The following KLF13 variants were observed in gnomAD, a reference collection of about 807,000 sequenced individuals.
KLF13 encodes the protein KLF transcription factor 13.
In KLF13, 8 loss-of-function variants were observed where a neutral mutation model predicts 16.7. The observed-to-expected ratio is 0.48, with a 90% CI of 0.28 to 0.87. The LOEUF is 0.87. Among genes scored for constraint, KLF13 ranks in the 40% least tolerant of loss-of-function variants. KLF13 has a pLI of 0.10. For synonymous variants in KLF13, 245 were observed against 208.4 expected (o/e 1.18, Z -1.51); for missense variants, 447 against 452.2 (o/e 0.99, Z 0.10).
At chr15:31,396,070 T>A (rs1323910666) in intron 2 of KLF13, among the ~76,000 whole-genome samples, 1 of 152,198 alleles carries the variant, frequency 6.6e-6, no homozygotes, top group Non-Finnish European at 1.5e-5. Context: ...TTGTTTCCCA[T>A]GCTGGAGTGC....
intron 1 of KLF13, among the ~76,000 whole-genome samples, chr15:31,353,793 C>T (rs1056649489): frequency 3.3e-5 from 5 of 151,486 alleles, no homozygotes; most frequent in African/African-American, 1.2e-4. Context: ...AGGGGGCTCT[C>T]GGCAGGCAAC....
intron 1 of KLF13, among the ~76,000 whole-genome samples, chr15:31,386,459 A>G (rs2039797987): frequency 6.6e-6 from 1 of 152,218 alleles, no homozygotes; most frequent in South Asian, 2.1e-4. Context: ...AGATCGTGCC[A>G]TTGCACTCCA....
At chr15:31,380,817 A>G (rs1388363649), downstream of KLF13, among the ~76,000 whole-genome samples, 11 of 152,200 alleles carry the variant, frequency 7.2e-5, no homozygotes, top group South Asian at 1.4e-3. Context: ...CAGCATTCCA[A>G]TGGTACATAG....
chr15:31,419,632 G>A (rs544942046), intron 1 of KLF13, among the ~76,000 whole-genome samples: 11 of 152,128 alleles, frequency 7.2e-5, no homozygotes, highest in Non-Finnish European at 1.5e-4. Flanking sequence ...GGAACAAAAA[G>A]AATAAAGGAT....
At chr15:31,340,740 A>G (rs2039008084) in intron 1 of KLF13, among the ~76,000 whole-genome samples, 2 of 152,170 alleles carry the variant, frequency 1.3e-5, no homozygotes, top group African/African-American at 2.4e-5. Flanking sequence ...ATGGTGGTGC[A>G]CACACCTGTA....
At chr15:31,346,917 G>A (rs1449328402) in intron 1 of KLF13, among the ~76,000 whole-genome samples, 1 of 152,294 alleles carries the variant, frequency 6.6e-6, no homozygotes, top group South Asian at 2.1e-4. Flanking sequence ...GGTTGGGTGG[G>A]CCAGCAGGGG....
intron 1 of KLF13, among the ~76,000 whole-genome samples, chr15:31,433,691 A>C (rs183584532): frequency 2.0e-5 from 3 of 151,872 alleles, no homozygotes; most frequent in Admixed American, 2.0e-4. Context: ...GTCATCTCAA[A>C]GATACCTCTG....
At position 31,334,155 on chromosome 15, in the gene KLF13, T is replaced by C. The variant is rs1175398734; in HGVS notation, c.577+6366T>C. On this transcript the variant is annotated intron_variant, in intron 1 of 1. Transcript: ENST00000307145. ...GACCACCTGGAGGAGGCCTAGGTGC[T>C]CCTTTCCCCAAACAGACAAGACACC... Among the ~76,000 whole-genome samples the C allele has an allele frequency of 2.0e-5, 3 of 152,196 alleles. No homozygotes were observed. The East Asian group carries it at 5.8e-4, about 29-fold the overall frequency.
chr15:31,396,578 T>G (rs895070641), intron 2 of KLF13, among the ~76,000 whole-genome samples: 7 of 152,184 alleles, frequency 4.6e-5, no homozygotes, highest in African/African-American at 1.7e-4. Flanking sequence ...GTTCCTGGTT[T>G]GGGGCCACAA....
At chr15:31,406,646 T>C (rs1165932709), downstream of KLF13, among the ~76,000 whole-genome samples, 1 of 152,246 alleles carries the variant, frequency 6.6e-6, no homozygotes, top group Non-Finnish European at 1.5e-5. Context: ...ACAGCTATAA[T>C]GGTCAGAAGT....
chr15:31,327,535 C>T lies in KLF13; in HGVS notation c.323C>T (p.Pro108Leu). ...CCGCCCGCCCCCGAGCCCACCTCCC[C>T]CGGCGCCGAAGGCGCGGCGGCCGCG... ...LPPPAPEPTS[P>L]GAEGAAAAPP... Residue 108 changes from proline (P) to leucine (L), a missense_variant, in exon 1 of 2, where the codon CCC becomes CTC. By Grantham distance (98) the Pro-to-Leu change is moderately conservative. Around this residue, in one of 2 missense-constraint regions of KLF13, gnomAD observed 359 missense variants for 282.8 expected, o/e 1.27. Transcript: ENST00000307145. 1.8e-6 allele frequency: 2 copies of T among 1,114,486 alleles called. No individual in the cohort carries two copies. Among genetic ancestry groups the T allele is most frequent in the South Asian group, 4.3e-5 (1 of 23,312 alleles). The allele number at this position is 1,114,486 out of a possible 1,614,324, so 69.0% of individuals were successfully genotyped here. A position where few individuals can be genotyped will look rare whatever the true frequency, so the allele number is the denominator to read the frequency against.
Position 31,375,519 on chromosome 15 carries a change from A to C in KLF13, c.*3220A>C, listed in dbSNP as rs973057762. The C allele has an allele frequency of 6.6e-6, 1 of 152,254 alleles. No individual in the cohort carries two copies. The allele number at this position is 152,254 out of a possible 1,614,324, so 9.4% of individuals were successfully genotyped here. ...TTTGGGACTTCAGTTCTCGTGGTCC[A>C]TAGGGGCAGAGATGTCAAAGTGAAG... On this transcript the variant is annotated 3_prime_UTR_variant, in exon 2 of 2. Transcript: ENST00000307145.
intron 2 of KLF13, among the ~76,000 whole-genome samples, chr15:31,394,731 G>C (rs1045473409): frequency 6.6e-6 from 1 of 152,068 alleles, no homozygotes. Context: ...ATTCACAGAC[G>C]TGCAACCATT....
intron 1 of KLF13, among the ~76,000 whole-genome samples, chr15:31,343,165 T>C (rs563873368): frequency 9.9e-5 from 15 of 152,210 alleles, no homozygotes; most frequent in Non-Finnish European, 1.8e-4. Context: ...TTTGAGTGAC[T>C]GGGTGTAGAG....
chr15:31,406,608 G>A (rs1025989392), downstream of KLF13, among the ~76,000 whole-genome samples: 8 of 152,112 alleles, frequency 5.3e-5, no homozygotes, highest in African/African-American at 1.9e-4. Flanking sequence ...ACACTTAATG[G>A]CTTGCAACAA....
chr15:31,330,901 A>G (rs1369570212), intron 1 of KLF13, among the ~76,000 whole-genome samples: 2 of 152,242 alleles, frequency 1.3e-5, no homozygotes, highest in African/African-American at 4.8e-5. Context: ...GACCAGGAGC[A>G]GATTTTCTTG....
At chr15:31,426,970 T>C (rs2040407859) in intron 1 of KLF13, among the ~76,000 whole-genome samples, 1 of 152,180 alleles carries the variant, frequency 6.6e-6, no homozygotes, top group Non-Finnish European at 1.5e-5. Flanking sequence ...TCTCCAGCCT[T>C]TGGAGTCCAG....
At chr15:31,420,908 G>T (rs2040314686) in intron 1 of KLF13, among the ~76,000 whole-genome samples, 2 of 152,036 alleles carry the variant, frequency 1.3e-5, no homozygotes, top group Admixed American at 6.5e-5. Flanking sequence ...GGTCAGGCTG[G>T]TCACAAACTC....
intron 1 of KLF13, among the ~76,000 whole-genome samples, chr15:31,431,449 A>C (rs927343228): frequency 6.6e-6 from 1 of 152,192 alleles, no homozygotes; most frequent in Non-Finnish European, 1.5e-5. Context: ...ATGAATTGCA[A>C]ATGCCTACAG....
Sources: gnomAD v4.1 joint callset for allele counts (sites outside exome capture counted in the v4.1 genomes callset) on GRCh38, gnomAD v4.1.1 for gene constraint, gnomAD v4.1.1 regional missense constraint, MANE v1.5 for transcripts, NCBI Gene and HGNC (gene_info 2026-07-23, HGNC 2026-07-21) for gene names.